Variants in PTMA observed in about 807,000 individuals in gnomAD.
The protein encoded by PTMA is gene sequence 28.
PTMA carries 4 observed loss-of-function variants against 16.9 expected under a neutral mutation model. That is an observed-to-expected ratio of 0.24 (90% CI 0.12 to 0.54). The LOEUF (loss-of-function observed/expected upper bound fraction) is 0.54, where lower values mean the gene tolerates loss of function less well. PTMA is among the 20% of genes least tolerant of loss of function. The pLI is 0.95. For missense variants in PTMA, 120 were observed against 137.7 expected (o/e 0.87, Z 0.64); for synonymous variants, 58 against 47.9 (o/e 1.21, Z -0.87).
rs532345376 is a variant in PTMA at position 231,710,461 on chromosome 2, C to CGGGCGGAGCCGGGGTCCGCG, written c.46-885_46-866dup. 3.6e-3 allele frequency: 3,881 copies of CGGGCGGAGCCGGGGTCCGCG among 1,078,466 alleles called. 16 individuals are homozygous for CGGGCGGAGCCGGGGTCCGCG. Among genetic ancestry groups the CGGGCGGAGCCGGGGTCCGCG allele is most frequent in the Non-Finnish European group, 4.2e-3 (3,612 of 858,240 alleles). The allele number at this position is 1,078,466 out of a possible 1,614,324, so 66.8% of individuals were successfully genotyped here. A position where few individuals can be genotyped will look rare whatever the true frequency, so the allele number is the denominator to read the frequency against. ...GGCTTCGGCCGCCAGGGGGCGAGAGCGGGCGGAGCCGGGGTCCGCGGAGCG... is the reference window on the plus strand; with the variant it reads ...GGCTTCGGCCGCCAGGGGGCGAGAGCGGGCGGAGCCGGGGTCCGCGGGGCGGAGCCGGGGTCCGCGGAGCG... On this transcript the variant is annotated intron_variant, in intron 1 of 4. Transcript: ENST00000409115.
rs1213944302 is a variant in PTMA, at chr2:231,708,606, G to GCCT, written c.-95_-93dup. 1 of 1,474,794 alleles carries GCCT rather than the reference G, an allele frequency of 6.8e-7. No homozygotes were observed. The highest frequency in any genetic ancestry group is 9.3e-7 in the Non-Finnish European group (1 of 1,071,510). 91.4% of individuals were successfully genotyped at this position (1,474,794 alleles called of 1,614,324 possible). ...CTCGCCGCAGCCGCCTCCGCCGCGCGCCTCCTCCGCCGCCGCGGACTCCGG... is the reference window on the plus strand; with the variant it reads ...CTCGCCGCAGCCGCCTCCGCCGCGCGCCTCCTCCTCCGCCGCCGCGGACTCCGG... On this transcript the variant is annotated 5_prime_UTR_variant, in exon 1 of 5. Coordinates refer to ENST00000409115, the MANE Select transcript of PTMA (RefSeq NM_002823.5).
chr2:231,712,078 G>A, intron 3 of PTMA, 95 bp downstream of exon 3: 3 of 1,536,384 alleles, frequency 2.0e-6, no homozygotes, highest in Non-Finnish European at 2.6e-6. Context: ...CTGGGAGTGG[G>A]ACAATGGTAC....
At chr2:231,710,263 GC>G in intron 1 of PTMA, 1 of 1,329,604 alleles carries the variant, frequency 7.5e-7, no homozygotes. Context: ...CCGCGCGCGT[GC>G]CACTGCAAGC....
At chr2:231,710,653 C>G (rs761294806) in intron 1 of PTMA, 3 of 442,714 alleles carry the variant, frequency 6.8e-6, no homozygotes, top group Middle Eastern at 3.5e-4. Flanking sequence ...CCTTTTGGAT[C>G]CCGGGCGGAG....
chr2:231,711,443 GC>G lies in PTMA; in HGVS notation c.117+27del, dbSNP rs569418496. 7.8e-5 allele frequency: 125 copies of G among 1,611,850 alleles called. No homozygotes were observed. The African/African-American group carries it at 1.4e-3, about 18-fold the overall frequency. On this transcript the variant is annotated intron_variant, in intron 2 of 4. Transcript: ENST00000409115. Reference sequence around the variant, plus strand: ...CTGTGAGTGTCTGCTTTGCTCCTGAGCCCTGGCAGCTACCGCCCCACAAAAT... The same window carrying G: ...CTGTGAGTGTCTGCTTTGCTCCTGAGCCTGGCAGCTACCGCCCCACAAAAT...
chr2:231,711,509 G>A (rs947499970), intron 2 of PTMA, 90 bp downstream of exon 2: 7 of 1,219,542 alleles, frequency 5.7e-6, no homozygotes, highest in African/African-American at 3.0e-5. Context: ...ATATGTGTGT[G>A]TATGTGTATA....
intron 1 of PTMA, 148 bp downstream of exon 1, chr2:231,708,899 C>G (rs1427421904): frequency 3.9e-6 from 4 of 1,018,072 alleles, no homozygotes; most frequent in South Asian, 3.2e-5. Context: ...CTCAGGCAGC[C>G]CACTCTTTGT....
chr2:231,712,650 A>C lies in PTMA; in HGVS notation c.285+134A>C, dbSNP rs1457081927. The stretch of plus-strand genomic sequence containing the variant: ...CACTGTGTGGTCCTGAATCTTAAGA[A>C]CAGGAAGGAAACAGGGCTGGGCTCA... On this transcript the variant is annotated intron_variant, in intron 4 of 4. Coordinates refer to ENST00000409115, the MANE Select transcript of PTMA (RefSeq NM_002823.5). 54 of 1,307,094 alleles carry C rather than the reference A, an allele frequency of 4.1e-5. No homozygotes were observed. In the African/African-American group the frequency reaches 8.0e-4, roughly 19 times the overall value. The allele number at this position is 1,307,094 out of a possible 1,614,324, so 81.0% of individuals were successfully genotyped here. A position where few individuals can be genotyped will look rare whatever the true frequency, so the allele number is the denominator to read the frequency against.
At chr2:231,712,374 T>G in intron 3 of PTMA, 69 bp from the exon 4 acceptor site, 6 of 1,513,638 alleles carry the variant, frequency 4.0e-6, no homozygotes, top group Non-Finnish European at 5.5e-6. Context: ...CACTACATGT[T>G]CCTCGGGATT....
chr2:231,712,753 GGAT>G, intron 4 of PTMA, 48 bp from the exon 5 acceptor site: 1 of 1,564,752 alleles, frequency 6.4e-7, no homozygotes. Flanking sequence ...GCAGTGGGCT[GGAT>G]AGGGCTCCTG....
chr2:231,709,933 G>C, intron 1 of PTMA: 1 of 577,634 alleles, frequency 1.7e-6, no homozygotes, highest in Non-Finnish European at 2.5e-6. Flanking sequence ...GCAGAGCGGA[G>C]CTCGGGGCCC....
intron 1 of PTMA, 85 bp downstream of exon 1, chr2:231,708,836 A>G (rs974444515): frequency 7.4e-6 from 11 of 1,479,296 alleles, no homozygotes; most frequent in East Asian, 4.8e-5. Context: ...GACTGTCTCA[A>G]GCCCGCTGTT....
intron 4 of PTMA, 63 bp from the exon 5 acceptor site, chr2:231,712,741 A>AG (rs1162718075): frequency 6.5e-6 from 10 of 1,539,844 alleles, no homozygotes; most frequent in East Asian, 2.4e-5. Flanking sequence ...GCAGGAGCTG[A>AG]GGCAGTGGGC....
intron 1 of PTMA, 37 bp from the exon 2 acceptor site, chr2:231,711,311 G>A: frequency 1.9e-6 from 3 of 1,580,386 alleles, no homozygotes; most frequent in Non-Finnish European, 2.6e-6. Flanking sequence ...TTGCTCAGAA[G>A]ACTTACTGGT....
intron 1 of PTMA, among the ~76,000 whole-genome samples, chr2:231,709,352 G>T (rs1043579490): frequency 6.6e-5 from 10 of 152,128 alleles, no homozygotes; most frequent in African/African-American, 2.4e-4. Flanking sequence ...GGTGTGACGG[G>T]CTTATCCGCT....
Position 231,712,999 on chromosome 2 carries a change from C to G in PTMA, c.*148C>G, listed in dbSNP as rs953256276. ...TGGGCAGTGCCACCCGCAGATGACA[C>G]GCGCTCTCCACCACCCAACCCAAAC... On this transcript the variant is annotated 3_prime_UTR_variant, in exon 5 of 5. Coordinates refer to ENST00000409115, the MANE Select transcript of PTMA (RefSeq NM_002823.5). 3.9e-6 allele frequency: 3 copies of G among 764,938 alleles called. No individual in the cohort carries two copies. The highest frequency in any genetic ancestry group is 3.8e-5 in the South Asian group (2 of 52,696). The allele number at this position is 764,938 out of a possible 1,614,324, so 47.4% of individuals were successfully genotyped here.
chr2:231,709,329 C>A lies in PTMA; in HGVS notation c.45+578C>A, dbSNP rs571352241. On this transcript the variant is annotated intron_variant, in intron 1 of 4. Coordinates refer to ENST00000409115, the MANE Select transcript of PTMA (RefSeq NM_002823.5). The stretch of plus-strand genomic sequence containing the variant: ...ACGGGCTGGCTGGCCGCGACGTCGG[C>A]CGTCCCGGCGGAGGTGTGACGGGCT... Among the ~76,000 whole-genome samples the A allele has an allele frequency of 1.6e-4, 25 of 152,198 alleles. No individual in the cohort carries two copies. In the East Asian group the frequency reaches 4.9e-3, roughly 30 times the overall value.
In PTMA at chr2:231,713,545, G is replaced by T; in HGVS notation, c.*694G>T. The T allele has an allele frequency of 2.4e-6, 1 of 416,310 alleles. No homozygotes were observed. The highest frequency in any genetic ancestry group is 3.4e-5 in the Admixed American group (1 of 29,792). 25.8% of individuals were successfully genotyped at this position (416,310 alleles called of 1,614,324 possible). A position where few individuals can be genotyped will look rare whatever the true frequency, so the allele number is the denominator to read the frequency against. On this transcript the variant is annotated 3_prime_UTR_variant, in exon 5 of 5. Coordinates refer to ENST00000409115, the MANE Select transcript of PTMA (RefSeq NM_002823.5). ...TTTGCTGAGTTGTTCTAACAAAGCTGTCTCAAGCCTGGTTTTTCTGTTTCA... is the reference window on the plus strand; with the variant it reads ...TTTGCTGAGTTGTTCTAACAAAGCTTTCTCAAGCCTGGTTTTTCTGTTTCA...
chr2:231,710,234 C>A, intron 1 of PTMA: 1 of 1,338,716 alleles, frequency 7.5e-7, no homozygotes, highest in Admixed American at 3.0e-5. Context: ...GTCGAGAGCC[C>A]GGCCGACCGA....
Sources: allele counts gnomAD v4.1 joint callset (sites outside exome capture counted in the v4.1 genomes callset), GRCh38; gene constraint gnomAD v4.1.1; transcripts MANE v1.5; gene names NCBI Gene and HGNC (gene_info 2026-07-23, HGNC 2026-07-21).